RASA3: variants seen among roughly 807,000 people sequenced by gnomAD.
RASA3 encodes ras GTPase-activating protein 3.
RASA3 carries 73 observed loss-of-function variants against 110.0 expected under a neutral mutation model. That is an observed-to-expected ratio of 0.66 (90% confidence interval 0.55 to 0.81). RASA3 has a LOEUF of 0.81. Among genes scored for constraint, RASA3 ranks in the 30% least tolerant of loss-of-function variants. The probability of loss-of-function intolerance (pLI) is 0.00; values close to 1 mark genes in which losing one functional copy is unlikely to be tolerated. For missense variants in RASA3, 976 were observed against 1,113.2 expected, an observed-to-expected ratio of 0.88 and a Z score of 1.75; for synonymous variants, 500 against 451.4, an observed-to-expected ratio of 1.11 and a Z score of -1.37.
chr13:114,094,962 C>G (rs1185793632), intron 1 of RASA3, among the ~76,000 whole-genome samples: 1 of 152,232 alleles, frequency 6.6e-6, no homozygotes, highest in East Asian at 1.9e-4. Flanking sequence ...TCTTACATCT[C>G]AGCTCAACAG....
intron 4 of RASA3, among the ~76,000 whole-genome samples, chr13:114,038,146 C>T (rs895185325): frequency 3.3e-5 from 5 of 152,006 alleles, no homozygotes; most frequent in African/African-American, 1.2e-4. Flanking sequence ...GAATCCGAGG[C>T]AAACGACGAG....
rs1259019147 is a variant in RASA3, at chr13:114,000,890, C to T, written c.1785G>A (p.Met595Ile). The T allele has an allele frequency of 6.2e-7, 1 of 1,613,986 alleles. No individual in the cohort carries two copies. The highest frequency in any genetic ancestry group is 1.1e-5 in the South Asian group (1 of 91,086). Residue 595 changes from methionine to isoleucine, a missense_variant, in exon 19 of 24, where the codon ATG (methionine) becomes ATA (isoleucine). Around this residue, in one of 4 missense-constraint regions of RASA3, gnomAD observed 109 missense variants for 162.5 expected, o/e 0.67. Coordinates refer to ENST00000334062, the MANE Select transcript of RASA3 (RefSeq NM_007368.4). ...KRAQGRKRFG[M>I]KNFKKRWFRL... is the part of the protein sequence containing the mutation. ...GAAACCATCTCTTCTTAAAATTCTT[C>T]ATCCCAAAGCGCTTCCGTCCTTGGG...
At chr13:114,016,750 G>A (rs2053801568) in intron 12 of RASA3, among the ~76,000 whole-genome samples, 1 of 152,204 alleles carries the variant, frequency 6.6e-6, no homozygotes, top group Non-Finnish European at 1.5e-5. Flanking sequence ...AAACCAGAAT[G>A]CTATGTTCAA....
At chr13:114,076,906 C>T (rs1229928959) in intron 1 of RASA3, among the ~76,000 whole-genome samples, 1 of 152,212 alleles carries the variant, frequency 6.6e-6, no homozygotes, top group South Asian at 2.1e-4. Flanking sequence ...TGTGACCTGA[C>T]GCTGACCATA....
intron 2 of RASA3, among the ~76,000 whole-genome samples, chr13:114,059,222 C>T (rs963392464): frequency 5.9e-5 from 9 of 152,004 alleles, no homozygotes; most frequent in East Asian, 1.9e-4. Flanking sequence ...AGCACAGTCC[C>T]GCCTGGAGGA....
chr13:114,088,123 CCT>C (rs1353223559), intron 1 of RASA3, among the ~76,000 whole-genome samples: 5 of 63,454 alleles, frequency 7.9e-5, no homozygotes, highest in Non-Finnish European at 1.8e-4. Flanking sequence ...AGAGTGAGGC[CCT>C]GTCTCAAAAA....
Position 114,075,286 on chromosome 13 carries a change from G to A in RASA3, c.56-1449C>T, listed in dbSNP as rs934518844. Among the ~76,000 whole-genome samples, 5 of 152,206 alleles carry A rather than the reference G, an allele frequency of 3.3e-5. No individual in the cohort carries two copies. The South Asian group carries it at 8.3e-4, about 25-fold the overall frequency. On this transcript the variant is annotated intron_variant, in intron 1 of 23. Transcript: ENST00000334062. Reference sequence around the variant, plus strand: ...GCGCACACGTCATGGCTCACATGGGGCAGTCGGCTCATTTCAAAGATGCCA... The same window carrying A: ...GCGCACACGTCATGGCTCACATGGGACAGTCGGCTCATTTCAAAGATGCCA...
At chr13:114,094,439 CAGG>C (rs2139716830) in intron 1 of RASA3, among the ~76,000 whole-genome samples, 1 of 152,294 alleles carries the variant, frequency 6.6e-6, no homozygotes, top group African/African-American at 2.4e-5. Flanking sequence ...TTGTGGCTGC[CAGG>C]AGATGGGAAG....
At chr13:114,049,225 C>A (rs1408354624) in intron 3 of RASA3, among the ~76,000 whole-genome samples, 1 of 152,088 alleles carries the variant, frequency 6.6e-6, no homozygotes, top group East Asian at 1.9e-4. Context: ...AGCCAGTGGC[C>A]ACCGCGCACT....
chr13:114,068,570 T>G (rs2079496384), intron 2 of RASA3, among the ~76,000 whole-genome samples: 1 of 152,144 alleles, frequency 6.6e-6, no homozygotes, highest in South Asian at 2.1e-4. Context: ...AGCGCAGCCT[T>G]GGGGAGCGGG....
At chr13:114,012,749 CCA>C (rs1156912771) in intron 15 of RASA3, among the ~76,000 whole-genome samples, 2 of 103,298 alleles carry the variant, frequency 1.9e-5, no homozygotes, top group Admixed American at 9.9e-5. Context: ...CTCACTCATT[CCA>C]CACACACTCC....
chr13:114,034,955 G>A (rs1201214431), intron 4 of RASA3, among the ~76,000 whole-genome samples: 4 of 150,996 alleles, frequency 2.6e-5, no homozygotes, highest in Non-Finnish European at 4.4e-5. Context: ...GAGCAGAAGG[G>A]AGATCTGAAC....
intron 4 of RASA3, among the ~76,000 whole-genome samples, chr13:114,036,751 G>T (rs1333059018): frequency 6.6e-6 from 1 of 152,134 alleles, no homozygotes; most frequent in Non-Finnish European, 1.5e-5. Flanking sequence ...TGGTCAGGCT[G>T]GTCTCAAACA....
chr13:114,052,253 A>G, intron 2 of RASA3, 98 bp from the exon 3 acceptor site: 1 of 771,862 alleles, frequency 1.3e-6, no homozygotes, highest in Non-Finnish European at 2.2e-6. Context: ...ACATGCCATA[A>G]GAATGCCCTG....
At chr13:114,050,338 T>G (rs1170080580) in intron 3 of RASA3, among the ~76,000 whole-genome samples, 1 of 152,194 alleles carries the variant, frequency 6.6e-6, no homozygotes, top group Admixed American at 6.5e-5. Flanking sequence ...GGCCAGGGTG[T>G]CCGCTGCGGA....
intron 10 of RASA3, among the ~76,000 whole-genome samples, 180 bp downstream of exon 10, chr13:114,018,583 G>A (rs535719094): frequency 1.3e-5 from 2 of 152,266 alleles, no homozygotes; most frequent in East Asian, 1.9e-4. Flanking sequence ...AACTGTCGAC[G>A]GACCAGTGCC....
rs779001916 is a variant in RASA3 at position 114,013,143 on chromosome 13, G to A, written c.1511C>T (p.Thr504Met). 1.1e-5 allele frequency: 17 copies of A among 1,611,554 alleles called. No homozygotes were observed. The highest frequency in any genetic ancestry group is 1.7e-5 in the Admixed American group (1 of 59,750). The change falls in exon 15 of 24, where the codon ACG becomes ATG. Residue 504 changes from threonine (T) to methionine (M), a missense_variant and splice_region_variant. By Grantham distance (81) the Thr-to-Met change is moderately conservative (BLOSUM62 -1). Around this residue, in one of 4 missense-constraint regions of RASA3, gnomAD observed 732 missense variants for 779.7 expected, o/e 0.94. Coordinates refer to ENST00000334062, the MANE Select transcript of RASA3 (RefSeq NM_007368.4). The stretch of plus-strand genomic sequence containing the variant: ...TCGGTCCCTCAGCCGGTCACTCACC[G>A]TGTGGTGCGGCGTGAGCTGGAAGAG... ...PNLFQLTPHHTDPQTSRTLTL... is the reference protein window; with the variant it reads ...PNLFQLTPHHMDPQTSRTLTL...
chr13:114,022,288 G>A lies in RASA3; in HGVS notation c.681-780C>T, dbSNP rs74437579. ...TGGTACGTGTCCCCTCAGACCTGGG[G>A]CTGTGAAATTCTGACAGACATACAG... On this transcript the variant is annotated intron_variant, in intron 8 of 23. Transcript: ENST00000334062. 9.7e-3 allele frequency among the ~76,000 whole-genome samples: 1,473 copies of A among 152,292 alleles called. 26 individuals carry two copies. Among genetic ancestry groups the A allele is most frequent in the African/African-American group, 0.034 (1,404 of 41,542 alleles).
chr13:114,077,993 A>G (rs1430689700), intron 1 of RASA3: 5 of 365,920 alleles, frequency 1.4e-5, no homozygotes, highest in East Asian at 2.4e-4. Flanking sequence ...ATTGAAACAG[A>G]AAAAAAAAAA....
Sources: allele counts gnomAD v4.1 joint callset (sites outside exome capture counted in the v4.1 genomes callset), GRCh38; gene constraint gnomAD v4.1.1; regional missense constraint gnomAD v4.1.1; transcripts MANE v1.5; gene names NCBI Gene and HGNC (gene_info 2026-07-23, HGNC 2026-07-21).